The following PKLR variants were observed in gnomAD, a reference collection of about 807,000 sequenced individuals.
PKLR encodes the protein pyruvate kinase L/R.
A neutral mutation model predicts 53.6 loss-of-function variants in PKLR; 38 were observed. That is an observed-to-expected ratio of 0.71 (90% CI 0.55 to 0.93). PKLR has a LOEUF of 0.93. Ranked by LOEUF, PKLR falls within the 40% of genes least tolerant of loss-of-function variation. PKLR has a pLI of 0.00. For missense variants in PKLR, 702 were observed against 787.3 expected, an observed-to-expected ratio of 0.89 and a Z score of 1.30; for synonymous variants, 328 against 316.2, an observed-to-expected ratio of 1.04 and a Z score of -0.39.
intron 6 of PKLR, 30 bp from the exon 7 acceptor site, chr1:155,294,415 C>A (rs1429656266): frequency 6.2e-7 from 1 of 1,614,196 alleles, no homozygotes; most frequent in Non-Finnish European, 8.5e-7. Flanking sequence ...AAGGCAGAGG[C>A]AGGCAGGAGA....
At chr1:155,305,059 T>G (rs923077187), upstream of PKLR, among the ~76,000 whole-genome samples, 1 of 151,984 alleles carries the variant, frequency 6.6e-6, no homozygotes, top group East Asian at 1.9e-4. Context: ...GGTTGAGCAT[T>G]TACCTCCCCA....
Position 155,295,245 on chromosome 1 carries a change from G to C in PKLR, c.565C>G (p.Pro189Ala), listed in dbSNP as rs577247981. The change falls in exon 5 of 11, where the codon CCC becomes GCC. Residue 189 changes from proline (P) to alanine (A), a missense_variant. Pro to Ala is a conservative substitution (Grantham distance 27). Coordinates refer to ENST00000342741, the MANE Select transcript of PKLR (RefSeq NM_000298.6). The surrounding 1 kb of genome is among the most constrained non-coding windows in gnomAD (Gnocchi z 4.3). ...KGSQVLVTVDPAFRTRGNANT... is the reference protein window; with the variant it reads ...KGSQVLVTVDAAFRTRGNANT... ...GCGTTCCCCCGCGTCCGGAACGCGG[G>C]GTCCACAGTCACCAGCACCTGGGAG... 4.3e-6 allele frequency: 7 copies of C among 1,614,094 alleles called. No individual in the cohort carries two copies. In the African/African-American group the frequency reaches 6.7e-5, roughly 15 times the overall value.
the PKLR span, chr1:155,308,553 C>T: frequency 6.8e-5 from 67 of 985,362 alleles, no homozygotes; most frequent in South Asian, 2.7e-3. Context: ...GTTTTACTAA[C>T]GTGCCAATCA....
upstream of PKLR, among the ~76,000 whole-genome samples, chr1:155,303,387 C>T (rs1648136732): frequency 6.6e-6 from 1 of 152,206 alleles, no homozygotes; most frequent in African/African-American, 2.4e-5. Flanking sequence ...TGCCCATTCC[C>T]CACTGTCCAA....
intron 9 of PKLR, 22 bp from the exon 10 acceptor site, chr1:155,291,959 A>G (rs375054587): frequency 6.2e-7 from 1 of 1,609,836 alleles, no homozygotes; most frequent in East Asian, 2.2e-5. Context: ...AGAGAAGGTC[A>G]GCCCAGAACA....
intron 10 of PKLR, among the ~76,000 whole-genome samples, chr1:155,291,357 G>A (rs757032447): frequency 1.3e-4 from 19 of 151,964 alleles, no homozygotes; most frequent in Admixed American, 2.6e-4. Context: ...TTATCCAGGC[G>A]TGGTGGCGCA....
At position 155,290,540 on chromosome 1, in the gene PKLR, G is replaced by A. The variant is rs1322595233; in HGVS notation, c.*32C>T. On this transcript the variant is annotated 3_prime_UTR_variant, in exon 11 of 11. Transcript: ENST00000342741. ...CTGGGGAGGAAGGGATGGGGTACAAGGGTAGGCTGGGCCAGAGGAGGGAGG... is the reference window on the plus strand; with the variant it reads ...CTGGGGAGGAAGGGATGGGGTACAAAGGTAGGCTGGGCCAGAGGAGGGAGG... The A allele has an allele frequency of 7.6e-7, 1 of 1,309,896 alleles. No homozygotes were observed. The highest frequency in any genetic ancestry group is 1.7e-5 in the Admixed American group (1 of 59,228). 81.1% of individuals were successfully genotyped at this position (1,309,896 alleles called of 1,614,324 possible). A position where few individuals can be genotyped will look rare whatever the true frequency, so the allele number is the denominator to read the frequency against.
In PKLR at chr1:155,293,619, T is replaced by A. The variant is rs8177980; in HGVS notation, c.1117-29A>T. On this transcript the variant is annotated intron_variant, in intron 7 of 10. Transcript: ENST00000342741. The surrounding 1 kb of genome is among the most constrained non-coding windows in gnomAD (Gnocchi z 4.2). ...GGGGACAGCGTGGATGTCAAAGTTG[T>A]AGGACTCACACTGTGACTGGGGACC... The A allele has an allele frequency of 6.2e-7, 1 of 1,613,080 alleles. No homozygotes were observed. The highest frequency in any genetic ancestry group is 8.5e-7 in the Non-Finnish European group (1 of 1,179,148).
chr1:155,298,966 C>CTTTCTT (rs1647772504), intron 2 of PKLR, among the ~76,000 whole-genome samples: 1 of 59,448 alleles, frequency 1.7e-5, no homozygotes, highest in Non-Finnish European at 3.0e-5. Context: ...TTCTTTCTTT[C>CTTTCTT]TTTCTTTCTT....
At chr1:155,305,860 G>T (rs183786364), upstream of PKLR, among the ~76,000 whole-genome samples, 1 of 151,088 alleles carries the variant, frequency 6.6e-6, no homozygotes, top group Admixed American at 6.6e-5. Flanking sequence ...GTCCAGGCTG[G>T]TGCAGAACTC....
intron 2 of PKLR, among the ~76,000 whole-genome samples, chr1:155,299,342 C>G (rs935672893): frequency 2.6e-5 from 4 of 151,434 alleles, no homozygotes; most frequent in African/African-American, 9.7e-5. Context: ...AGGCATGCAC[C>G]ACCACACTCA....
chr1:155,297,785 C>G (rs1647679250), intron 2 of PKLR, among the ~76,000 whole-genome samples: 1 of 152,196 alleles, frequency 6.6e-6, no homozygotes, highest in African/African-American at 2.4e-5. Flanking sequence ...CGCTCTTCCC[C>G]CTTGATGGTT....
At chr1:155,300,845 A>G (rs539719455) in intron 1 of PKLR, 2 of 1,608,834 alleles carry the variant, frequency 1.2e-6, no homozygotes, top group East Asian at 2.2e-5. Flanking sequence ...AGCTTGACCC[A>G]TCCCAGTTCA....
At position 155,290,372 on chromosome 1, in the gene PKLR, A is replaced by T. The variant is rs768777565; in HGVS notation, c.*200T>A. ...GACACAGACTTTCAGGACCTGTGTG[A>T]AATGGAGATGGGGAAGGGGCAACCT... On this transcript the variant is annotated 3_prime_UTR_variant, in exon 11 of 11. Coordinates refer to ENST00000342741, the MANE Select transcript of PKLR (RefSeq NM_000298.6). The T allele has an allele frequency of 5.0e-6, 3 of 600,726 alleles. No homozygotes were observed. The highest frequency in any genetic ancestry group is 9.0e-6 in the Non-Finnish European group (3 of 334,768). 37.2% of individuals were successfully genotyped at this position (600,726 alleles called of 1,614,324 possible).
At chr1:155,301,230 C>T in intron 1 of PKLR, 66 bp downstream of exon 1, 1 of 1,578,814 alleles carries the variant, frequency 6.3e-7, no homozygotes, top group Non-Finnish European at 8.7e-7. Flanking sequence ...ATGCCCTCCA[C>T]CCTGGCTCCT....
chr1:155,297,324 C>G (rs996497351), intron 2 of PKLR, among the ~76,000 whole-genome samples: 4 of 152,148 alleles, frequency 2.6e-5, no homozygotes, highest in South Asian at 4.1e-4. Context: ...TGCTCTCCCC[C>G]CAACCCCTTC....
upstream of PKLR, among the ~76,000 whole-genome samples, chr1:155,301,969 A>G (rs1440759200): frequency 2.0e-5 from 3 of 152,128 alleles, no homozygotes; most frequent in African/African-American, 7.2e-5. Context: ...ACACTGAAAG[A>G]TCGACTATTT....
Position 155,293,131 on chromosome 1 carries a change from C to T in PKLR, c.1436+46G>A. 1 of 1,577,584 alleles carries T rather than the reference C, an allele frequency of 6.3e-7. No homozygotes were observed. Among genetic ancestry groups the T allele is most frequent in the Non-Finnish European group, 8.7e-7 (1 of 1,146,820 alleles). On this transcript the variant is annotated intron_variant, in intron 9 of 10. Transcript: ENST00000342741. The surrounding 1 kb of genome is among the most constrained non-coding windows in gnomAD (Gnocchi z 4.2). Reference sequence around the variant, plus strand: ...CAAGCCTGGGGCCCGTCCCAGCCCACCCCTGACCCAAAGCTCCATCTGGAC... The same window carrying T: ...CAAGCCTGGGGCCCGTCCCAGCCCATCCCTGACCCAAAGCTCCATCTGGAC...
chr1:155,298,192 C>T (rs1172914158), intron 2 of PKLR, among the ~76,000 whole-genome samples: 10 of 151,868 alleles, frequency 6.6e-5, no homozygotes, highest in South Asian at 2.1e-4. Flanking sequence ...TGTGCCACCA[C>T]GCCCAGCTAA....
Sources: allele counts gnomAD v4.1 joint callset (sites outside exome capture counted in the v4.1 genomes callset), GRCh38; gene constraint gnomAD v4.1.1; non-coding constraint Gnocchi (gnomAD v3.1); transcripts MANE v1.5; gene names NCBI Gene and HGNC (gene_info 2026-07-23, HGNC 2026-07-21).